Variants in PLD4 observed in about 807,000 individuals in gnomAD.
The protein encoded by PLD4 is 5'-3' exonuclease PLD4.
Under a neutral mutation model 52.3 loss-of-function variants are expected in PLD4, and 54 were observed. The observed-to-expected ratio is 1.03, with a 90% CI of 0.83 to 1.30. The LOEUF is 1.30. Ranked by LOEUF, PLD4 falls within the 50% of genes most tolerant of loss-of-function variation. The probability of loss-of-function intolerance (pLI) is 0.00; values close to 1 mark genes in which losing one functional copy is unlikely to be tolerated. For missense variants in PLD4, 731 were observed against 671.1 expected (o/e 1.09, Z -0.99); for synonymous variants, 264 against 286.5 (o/e 0.92, Z 0.79).
intron 2 of PLD4, 65 bp downstream of exon 2, chr14:104,927,295 A>G: frequency 7.4e-7 from 1 of 1,352,560 alleles, no homozygotes. Context: ...GCTCCGAGCC[A>G]GAGTGGAGAG....
Position 104,932,125 on chromosome 14 carries a change from T to G in PLD4, c.1172T>G (p.Leu391Arg). 2 of 1,611,476 alleles carry G rather than the reference T, an allele frequency of 1.2e-6. No homozygotes were observed. The highest frequency in any genetic ancestry group is 1.7e-4 in the Middle Eastern group (1 of 6,056). ...ACGGACCCCACCATGTTCCCCTACC[T>G]GCGGTCCCTGCAGGCGCTCAGCAAC... Reference protein sequence around the residue: ...LNTDPTMFPYLRSLQALSNPA... With the variant: ...LNTDPTMFPYRRSLQALSNPA... The change falls in exon 9 of 11, where the codon CTG becomes CGG. Residue 391 changes from leucine (L) to arginine (R), a missense_variant. Leu to Arg is a moderately radical substitution (Grantham distance 102). Transcript: ENST00000392593. This position sits in a 1 kb window ranked among gnomAD's most constrained non-coding sequence, Gnocchi z 6.5.
intron 8 of PLD4, 32 bp downstream of exon 8, chr14:104,931,919 C>G: frequency 6.6e-7 from 1 of 1,526,538 alleles, no homozygotes; most frequent in Non-Finnish European, 8.8e-7. Flanking sequence ...GCGGCCTGCT[C>G]TGCTGACGGG....
At chr14:104,926,057 G>A (rs1427799960) in intron 1 of PLD4, among the ~76,000 whole-genome samples, 1 of 152,122 alleles carries the variant, frequency 6.6e-6, no homozygotes, top group Non-Finnish European at 1.5e-5. Flanking sequence ...CAGCCCAGAC[G>A]AACCCCAGAG....
Position 104,930,047 on chromosome 14 carries a change from T to C in PLD4, c.659T>C (p.Val220Ala). ...GTTTTGCACTCCAAATTCTGGGTTGTGGATGGACGGCACATATACATGGGC... is the reference window on the plus strand; with the variant it reads ...GTTTTGCACTCCAAATTCTGGGTTGCGGATGGACGGCACATATACATGGGC... ...RGVLHSKFWV[V>A]DGRHIYMGSA... Residue 220 changes from valine (V) to alanine (A), a missense_variant, in exon 6 of 11, where the codon GTG becomes GCG. Transcript: ENST00000392593. 6.2e-7 allele frequency: 1 copy of C among 1,613,694 alleles called. No individual in the cohort carries two copies. The highest frequency in any genetic ancestry group is 8.5e-7 in the Non-Finnish European group (1 of 1,179,990).
chr14:104,933,013 C>A lies in PLD4; in HGVS notation c.*49C>A. Reference sequence around the variant, plus strand: ...GACCCCGCCCCGCACGCGCCCTCCCCTCTGACCCCGGCCTGGGCTTCAGCC... The same window carrying A: ...GACCCCGCCCCGCACGCGCCCTCCCATCTGACCCCGGCCTGGGCTTCAGCC... On this transcript the variant is annotated 3_prime_UTR_variant, in exon 11 of 11. Transcript: ENST00000392593. 1 of 1,496,278 alleles carries A rather than the reference C, an allele frequency of 6.7e-7. No homozygotes were observed. Among genetic ancestry groups the A allele is most frequent in the Non-Finnish European group, 8.9e-7 (1 of 1,122,732 alleles). The allele number at this position is 1,496,278 out of a possible 1,614,324, so 92.7% of individuals were successfully genotyped here.
At chr14:104,927,596 C>T (rs758640092) in intron 2 of PLD4, 77 bp from the exon 3 acceptor site, 38 of 1,436,164 alleles carry the variant, frequency 2.6e-5, no homozygotes, top group East Asian at 1.8e-4. Context: ...TGTCTCAGCA[C>T]TGGAGGGGCC....
Position 104,932,098 on chromosome 14 carries a change from A to G in PLD4, c.1145A>G (p.Asn382Ser). The change falls in exon 9 of 11, where the codon AAC becomes AGC. Residue 382 changes from asparagine to serine, a missense_variant. By Grantham distance (46) the Asn-to-Ser change is conservative. Transcript: ENST00000392593. The surrounding 1 kb of genome is among the most constrained non-coding windows in gnomAD (Gnocchi z 6.5). Reference sequence around the variant, plus strand: ...CGCCTGCTGGTCGGCTGCGGACTCAACACGGACCCCACCATGTTCCCCTAC... The same window carrying G: ...CGCCTGCTGGTCGGCTGCGGACTCAGCACGGACCCCACCATGTTCCCCTAC... ...RVRLLVGCGLNTDPTMFPYLR... is the reference protein window; with the variant it reads ...RVRLLVGCGLSTDPTMFPYLR... 1 of 1,610,862 alleles carries G rather than the reference A, an allele frequency of 6.2e-7. No individual in the cohort carries two copies. The highest frequency in any genetic ancestry group is 8.5e-7 in the Non-Finnish European group (1 of 1,179,292).
At position 104,932,950 on chromosome 14, in the gene PLD4, G is replaced by C. The variant is rs1566891650; in HGVS notation, c.1507G>C (p.Val503Leu). ...LDGQAPGQDC[V>L]WQG ...CGGACAGGCTCCGGGCCAGGACTGC[G>C]TTTGGCAGGGCTGAGGGGGGCCTCT... Residue 503 changes from valine to leucine, a missense_variant, in exon 11 of 11, where the codon GTT becomes CTT. Transcript: ENST00000392593. This position sits in a 1 kb window ranked among gnomAD's most constrained non-coding sequence, Gnocchi z 6.5. 6.3e-7 allele frequency: 1 copy of C among 1,590,550 alleles called. No individual in the cohort carries two copies. Among genetic ancestry groups the C allele is most frequent in the South Asian group, 1.1e-5 (1 of 88,158 alleles).
rs1358627763 is a variant in PLD4, at chr14:104,932,988, G to A, written c.*24G>A. 1.0e-5 allele frequency: 16 copies of A among 1,532,266 alleles called. No individual in the cohort carries two copies. The South Asian group carries it at 1.9e-4, about 18-fold the overall frequency. 94.9% of individuals were successfully genotyped at this position (1,532,266 alleles called of 1,614,324 possible). A position where few individuals can be genotyped will look rare whatever the true frequency, so the allele number is the denominator to read the frequency against. ...GAGGGGGGCCTCTTTTTCTCTCGGC[G>A]ACCCCGCCCCGCACGCGCCCTCCCC... On this transcript the variant is annotated 3_prime_UTR_variant, in exon 11 of 11. Transcript: ENST00000392593. The surrounding 1 kb of genome is among the most constrained non-coding windows in gnomAD (Gnocchi z 6.5).
chr14:104,929,567 C>T, intron 5 of PLD4, 140 bp downstream of exon 5: 1 of 1,319,956 alleles, frequency 7.6e-7, no homozygotes. Context: ...AGGGCAGGAC[C>T]CAGGGCTCTG....
At chr14:104,926,451 C>T (rs1233746504) in intron 1 of PLD4, among the ~76,000 whole-genome samples, 1 of 152,160 alleles carries the variant, frequency 6.6e-6, no homozygotes, top group Non-Finnish European at 1.5e-5. Context: ...TGTGGGGTGA[C>T]CACTCTGAGG....
At chr14:104,929,094 C>A in intron 4 of PLD4, 162 bp downstream of exon 4, 1 of 1,177,330 alleles carries the variant, frequency 8.5e-7, no homozygotes, top group Non-Finnish European at 1.2e-6. Flanking sequence ...GCTCTAACAG[C>A]AGAGGTGTCA....
intron 1 of PLD4, among the ~76,000 whole-genome samples, chr14:104,925,405 G>T (rs1239186574): frequency 1.3e-5 from 2 of 152,208 alleles, no homozygotes; most frequent in Non-Finnish European, 2.9e-5. Context: ...GGAGGAGGTG[G>T]TGAGGCGCTC....
rs1477618579 is a variant in PLD4, at chr14:104,924,998, C to T, written c.-1+8C>T. On this transcript the variant is annotated splice_region_variant and intron_variant, in intron 1 of 10. Transcript: ENST00000392593. This position sits in a 1 kb window ranked among gnomAD's most constrained non-coding sequence, Gnocchi z 4.4. ...AAGGCAGGACCCCCAGAGGTATGTG[C>T]CAATGAGGCCAGGGCAGCTGAGAAA... is the stretch of plus-strand genomic sequence containing the variant. 2 of 152,622 alleles carry T rather than the reference C, an allele frequency of 1.3e-5. No individual in the cohort carries two copies. The highest frequency in any genetic ancestry group is 1.5e-5 in the Non-Finnish European group (1 of 68,356). 9.5% of individuals were successfully genotyped at this position (152,622 alleles called of 1,614,324 possible). A position where few individuals can be genotyped will look rare whatever the true frequency, so the allele number is the denominator to read the frequency against.
intron 6 of PLD4, 85 bp downstream of exon 6, chr14:104,930,190 G>A: frequency 6.4e-7 from 1 of 1,555,706 alleles, no homozygotes; most frequent in Non-Finnish European, 8.8e-7. Context: ...ACATCTCAGT[G>A]CATCTGGAGA....
intron 1 of PLD4, among the ~76,000 whole-genome samples, 199 bp from the exon 2 acceptor site, chr14:104,926,942 C>T (rs1897474696): frequency 6.6e-6 from 1 of 152,212 alleles, no homozygotes; most frequent in African/African-American, 2.4e-5. Flanking sequence ...CGGCTGCGGG[C>T]TCCAACACCC....
Position 104,933,044 on chromosome 14 carries a change from C to T in PLD4, c.*80C>T. ...CCCCGGCCTGGGCTTCAGCCGCTTC[C>T]TCCCGCAAGCAGCCCGGGTCCGCAC... On this transcript the variant is annotated 3_prime_UTR_variant, in exon 11 of 11. Transcript: ENST00000392593. 1 of 1,427,694 alleles carries T rather than the reference C, an allele frequency of 7.0e-7. No individual in the cohort carries two copies. Among genetic ancestry groups the T allele is most frequent in the Non-Finnish European group, 9.2e-7 (1 of 1,083,064 alleles). 88.4% of individuals were successfully genotyped at this position (1,427,694 alleles called of 1,614,324 possible).
chr14:104,928,264 C>G lies in PLD4; in HGVS notation c.284+398C>G, dbSNP rs150942256. Among the ~76,000 whole-genome samples, 763 of 152,274 alleles carry G rather than the reference C, an allele frequency of 5.0e-3. 1 individual carries two copies. Among genetic ancestry groups the G allele is most frequent in the Middle Eastern group, 0.01 (3 of 294 alleles). The stretch of plus-strand genomic sequence containing the variant: ...GCCCCGGAGGAACCTGTTGGGCCAT[C>G]CTGCACACATCCCCTGGAAACGGGA... On this transcript the variant is annotated intron_variant, in intron 3 of 10. Coordinates refer to ENST00000392593, the MANE Select transcript of PLD4 (RefSeq NM_138790.5).
At position 104,931,014 on chromosome 14, in the gene PLD4, C is replaced by T. The variant is rs572715165; in HGVS notation, c.918+72C>T. On this transcript the variant is annotated intron_variant, in intron 7 of 10. Coordinates refer to ENST00000392593, the MANE Select transcript of PLD4 (RefSeq NM_138790.5). Reference sequence around the variant, plus strand: ...TGGCTGGCCAGACCCACAGGGAGCCCTCTGGGCTGGCCCTGCAGACACCAG... The same window carrying T: ...TGGCTGGCCAGACCCACAGGGAGCCTTCTGGGCTGGCCCTGCAGACACCAG... 5.2e-6 allele frequency: 8 copies of T among 1,539,682 alleles called. No homozygotes were observed. In the African/African-American group the frequency reaches 5.5e-5, roughly 11 times the overall value.
Sources: allele counts gnomAD v4.1 joint callset (sites outside exome capture counted in the v4.1 genomes callset), GRCh38; gene constraint gnomAD v4.1.1; non-coding constraint Gnocchi (gnomAD v3.1); transcripts MANE v1.5; gene names NCBI Gene and HGNC (gene_info 2026-07-23, HGNC 2026-07-21).